The following STK32C variants were observed in gnomAD, a reference collection of about 807,000 sequenced individuals.
STK32C encodes the protein serine/threonine kinase 32C, also known as serine/threonine-protein kinase 32C.
A neutral mutation model predicts 56.5 loss-of-function variants in STK32C; 31 were observed. The observed-to-expected ratio is 0.55, with a 90% CI of 0.41 to 0.74. The LOEUF (loss-of-function observed/expected upper bound fraction) is 0.74, where lower values mean the gene tolerates loss of function less well. STK32C is among the 30% of genes least tolerant of loss of function. The pLI, the probability that STK32C is intolerant of heterozygous loss-of-function variation, is 0.00. For synonymous variants in STK32C, 309 were observed against 289.4 expected (o/e 1.07, Z -0.69); for missense variants, 544 against 676.9 (o/e 0.80, Z 2.18).
At chr10:132,297,711 C>T (rs528517406) in intron 1 of STK32C, among the ~76,000 whole-genome samples, 9 of 152,214 alleles carry the variant, frequency 5.9e-5, no homozygotes, top group Non-Finnish European at 1.3e-4. Flanking sequence ...GTCACAGGTG[C>T]GTCCTCCAGG....
intron 1 of STK32C, among the ~76,000 whole-genome samples, chr10:132,281,386 G>T (rs1338186696): frequency 6.6e-6 from 1 of 152,020 alleles, no homozygotes; most frequent in Non-Finnish European, 1.5e-5. Flanking sequence ...AAAAACAAAA[G>T]CCTGTTAAAT....
chr10:132,250,980 G>A (rs371862206), intron 1 of STK32C, among the ~76,000 whole-genome samples: 2 of 152,186 alleles, frequency 1.3e-5, no homozygotes, highest in Non-Finnish European at 1.5e-5. Context: ...GTACAGTGGC[G>A]GTCTGCATAG....
At chr10:132,264,847 C>T (rs556161125) in intron 1 of STK32C, among the ~76,000 whole-genome samples, 7 of 152,252 alleles carry the variant, frequency 4.6e-5, no homozygotes, top group East Asian at 1.9e-4. Context: ...TGATGGAAGA[C>T]GTAAAAAATC....
chr10:132,277,749 T>C (rs2065033500), intron 1 of STK32C, among the ~76,000 whole-genome samples: 1 of 152,138 alleles, frequency 6.6e-6, no homozygotes, highest in Non-Finnish European at 1.5e-5. Flanking sequence ...TCTGAGTCCC[T>C]TGCACAGACA....
intron 1 of STK32C, among the ~76,000 whole-genome samples, chr10:132,297,264 T>A (rs1000249321): frequency 6.6e-6 from 1 of 152,106 alleles, no homozygotes; most frequent in African/African-American, 2.4e-5. Context: ...TCCGTGGCCA[T>A]CCCCAGCGTG....
chr10:132,242,949 ATGGCTTTTAAG>A (rs981582777), intron 2 of STK32C, among the ~76,000 whole-genome samples: 4 of 152,148 alleles, frequency 2.6e-5, no homozygotes, highest in African/African-American at 9.7e-5. Flanking sequence ...GGAAAGGTCA[ATGGCTTTTAAG>A]AGATGCGTGT....
At chr10:132,328,738 T>G (rs1250726978) in intron 1 of STK32C, among the ~76,000 whole-genome samples, 1 of 152,240 alleles carries the variant, frequency 6.6e-6, no homozygotes, top group Non-Finnish European at 1.5e-5. Context: ...TCAGTTATAA[T>G]TTTGCAAAGG....
intron 7 of STK32C, 55 bp downstream of exon 7, chr10:132,225,178 G>A (rs1336790053): frequency 1.4e-6 from 2 of 1,440,224 alleles, no homozygotes; most frequent in East Asian, 2.4e-5. Context: ...AGCACTGGTG[G>A]GGGCAGAGAG....
chr10:132,260,505 G>A (rs111251536), intron 1 of STK32C, among the ~76,000 whole-genome samples: 2 of 152,208 alleles, frequency 1.3e-5, no homozygotes, highest in African/African-American at 2.4e-5. Flanking sequence ...CACAGGCCCC[G>A]GTCTTGGGAT....
chr10:132,263,275 T>A (rs55841041), intron 1 of STK32C, among the ~76,000 whole-genome samples: 53,165 of 151,622 alleles, frequency 0.35, 9,518 homozygotes, highest in Admixed American at 0.46. Flanking sequence ...AAGAGCAAGA[T>A]TATGGCCTCT....
chr10:132,227,873 C>G (rs1159264379), intron 3 of STK32C, 104 bp downstream of exon 3: 2 of 1,436,654 alleles, frequency 1.4e-6, no homozygotes, highest in East Asian at 4.9e-5. Flanking sequence ...GAGGCATCTC[C>G]GAGGCACGAG....
chr10:132,310,789 C>T (rs1263095554), upstream of STK32C, among the ~76,000 whole-genome samples: 3 of 152,208 alleles, frequency 2.0e-5, no homozygotes, highest in Admixed American at 1.3e-4. The surrounding 1 kb of genome is among the most constrained non-coding windows in gnomAD (Gnocchi z 4.6). Context: ...CTGGGCAGCA[C>T]GTGCATGATC....
intron 1 of STK32C, among the ~76,000 whole-genome samples, chr10:132,303,796 G>A (rs2065977702): frequency 6.6e-6 from 1 of 152,214 alleles, no homozygotes; most frequent in Non-Finnish European, 1.5e-5. Flanking sequence ...GAGGATTCAG[G>A]GGAAAAGGCG....
At chr10:132,272,535 G>C (rs1219084419) in intron 1 of STK32C, among the ~76,000 whole-genome samples, 1 of 152,170 alleles carries the variant, frequency 6.6e-6, no homozygotes, top group East Asian at 1.9e-4. Flanking sequence ...CTTGGCATGG[G>C]CTCGACTCCT....
intron 1 of STK32C, among the ~76,000 whole-genome samples, chr10:132,296,438 A>G (rs7086250): frequency 0.49 from 74,651 of 151,878 alleles, 20,437 homozygotes; most frequent in African/African-American, 0.73. Flanking sequence ...ACGGTGACGT[A>G]AGGGGAAACT....
At chr10:132,248,015 C>G (rs1027392350) in intron 1 of STK32C, among the ~76,000 whole-genome samples, 4 of 152,164 alleles carry the variant, frequency 2.6e-5, no homozygotes, top group African/African-American at 7.2e-5. Flanking sequence ...CCTCCACGAG[C>G]CCCCGTTCCA....
intron 1 of STK32C, among the ~76,000 whole-genome samples, chr10:132,268,373 G>A (rs2064669469): frequency 4.0e-5 from 6 of 149,058 alleles, no homozygotes; most frequent in Admixed American, 3.3e-4. Flanking sequence ...GCCTGTCTGT[G>A]TGCATGCATG....
At chr10:132,323,262 C>T (rs1318530588), downstream of STK32C, among the ~76,000 whole-genome samples, 1 of 152,190 alleles carries the variant, frequency 6.6e-6, no homozygotes, top group East Asian at 1.9e-4. This position sits in a 1 kb window ranked among gnomAD's most constrained non-coding sequence, Gnocchi z 4.8. Flanking sequence ...CAAAACCTGG[C>T]TCAAGTCTGG....
At chr10:132,330,503 G>T (rs1275049771) in intron 1 of STK32C, 3 of 716,842 alleles carry the variant, frequency 4.2e-6, no homozygotes, top group African/African-American at 3.5e-5. Flanking sequence ...GTAGATAGTT[G>T]GGTATGTACG....
Sources: gnomAD v4.1 joint callset for allele counts (sites outside exome capture counted in the v4.1 genomes callset) on GRCh38, gnomAD v4.1.1 for gene constraint, Gnocchi (gnomAD v3.1) non-coding constraint, MANE v1.5 for transcripts, NCBI Gene and HGNC (gene_info 2026-07-23, HGNC 2026-07-21) for gene names.